Variants in MCOLN2 observed in about 807,000 individuals in gnomAD.
The protein encoded by MCOLN2 is mucolipin TRP cation channel 2, also known as mucolipin-2.
In MCOLN2, 57 loss-of-function variants were observed where a neutral mutation model predicts 67.5. The observed-to-expected ratio is 0.84, with a 90% CI of 0.68 to 1.05. The LOEUF is 1.05. MCOLN2 is among the 50% of genes least tolerant of loss of function. The probability of loss-of-function intolerance (pLI) is 0.00; values close to 1 mark genes in which losing one functional copy is unlikely to be tolerated. For missense variants in MCOLN2, 620 were observed against 678.8 expected (o/e 0.91, Z 0.96); for synonymous variants, 246 against 233.3 (o/e 1.05, Z -0.50).
intron 1 of MCOLN2, among the ~76,000 whole-genome samples, chr1:84,984,685 T>G (rs1650417653): frequency 6.6e-6 from 1 of 152,166 alleles, no homozygotes; most frequent in Admixed American, 6.5e-5. Flanking sequence ...AGCAATATAT[T>G]AATACCAAAG....
At chr1:84,986,241 T>C (rs186341426) in intron 1 of MCOLN2, among the ~76,000 whole-genome samples, 349 of 152,186 alleles carry the variant, frequency 2.3e-3, no homozygotes, top group African/African-American at 8.1e-3. Flanking sequence ...GCAGGCCACA[T>C]GTAGAAGAAT....
intron 11 of MCOLN2, among the ~76,000 whole-genome samples, chr1:84,933,365 A>T (rs1160397358): frequency 6.6e-6 from 1 of 152,166 alleles, no homozygotes; most frequent in Non-Finnish European, 1.5e-5. Context: ...GAGAAGGTCT[A>T]CAAACGCACC....
chr1:84,939,472 C>T (rs1393061905), intron 9 of MCOLN2, 81 bp downstream of exon 9: 3 of 1,405,904 alleles, frequency 2.1e-6, no homozygotes. Context: ...AAAGTGGTCT[C>T]CAAAGGATGG....
chr1:84,964,436 G>A (rs1311554921), intron 2 of MCOLN2, among the ~76,000 whole-genome samples: 1 of 143,898 alleles, frequency 6.9e-6, no homozygotes, highest in Non-Finnish European at 1.5e-5. Flanking sequence ...TTCAAATATG[G>A]TTAACTACAG....
At chr1:84,952,670 G>A in intron 4 of MCOLN2, 140 bp from the exon 5 acceptor site, 1 of 623,660 alleles carries the variant, frequency 1.6e-6, no homozygotes, top group South Asian at 1.9e-5. Flanking sequence ...AATTATTCAG[G>A]AAAAATGATA....
intron 11 of MCOLN2, among the ~76,000 whole-genome samples, chr1:84,932,029 A>C (rs1647212124): frequency 6.7e-6 from 1 of 148,530 alleles, no homozygotes; most frequent in African/African-American, 2.5e-5. Flanking sequence ...GTCTCTTTAA[A>C]ACACACACAC....
intron 12 of MCOLN2, among the ~76,000 whole-genome samples, chr1:84,930,623 T>TA (rs1213382319): frequency 6.6e-6 from 1 of 152,134 alleles, no homozygotes; most frequent in Non-Finnish European, 1.5e-5. Context: ...CCTGAACACT[T>TA]ACTTATCTTC....
rs1332907098 is a variant in MCOLN2 at position 84,997,028 on chromosome 1, T to C, written c.-156A>G. The stretch of plus-strand genomic sequence containing the variant: ...CTTACCCTTTCTGCCGGCCGCGTGG[T>C]GCGCGCAGACCCCGGCCCGAGAGCA... On this transcript the variant is annotated 5_prime_UTR_variant, in exon 1 of 14. Transcript: ENST00000370608. The C allele has an allele frequency of 3.0e-6, 2 of 660,640 alleles. No individual in the cohort carries two copies. Among genetic ancestry groups the C allele is most frequent in the African/African-American group, 1.8e-5 (1 of 54,680 alleles). The allele number at this position is 660,640 out of a possible 1,614,324, so 40.9% of individuals were successfully genotyped here. A position where few individuals can be genotyped will look rare whatever the true frequency, so the allele number is the denominator to read the frequency against.
intron 2 of MCOLN2, among the ~76,000 whole-genome samples, chr1:84,959,821 T>C (rs1648984780): frequency 6.6e-6 from 1 of 152,238 alleles, no homozygotes; most frequent in African/African-American, 2.4e-5. Flanking sequence ...CTGACAGTTC[T>C]GTTATTTGTT....
chr1:84,963,428 G>T (rs531276455), intron 2 of MCOLN2, among the ~76,000 whole-genome samples: 1 of 152,286 alleles, frequency 6.6e-6, no homozygotes, highest in Admixed American at 6.5e-5. Context: ...AACATAAATA[G>T]ATGCAGTTTT....
chr1:84,982,704 ATGTT>A (rs1453104491), intron 1 of MCOLN2, among the ~76,000 whole-genome samples: 1 of 152,090 alleles, frequency 6.6e-6, no homozygotes. Flanking sequence ...AAAGAAATTT[ATGTT>A]TGTTCCCCTG....
intron 1 of MCOLN2, among the ~76,000 whole-genome samples, chr1:84,985,866 C>T (rs969536264): frequency 6.6e-6 from 1 of 152,102 alleles, no homozygotes; most frequent in African/African-American, 2.4e-5. Context: ...GACCATACTG[C>T]CAAAAGCAAT....
At chr1:84,980,866 A>C (rs1650220190) in intron 1 of MCOLN2, among the ~76,000 whole-genome samples, 1 of 152,234 alleles carries the variant, frequency 6.6e-6, no homozygotes, top group Non-Finnish European at 1.5e-5. Context: ...CAAAGTGAAA[A>C]GACAACCCAT....
Position 84,958,653 on chromosome 1 carries a change from T to C in MCOLN2, c.287A>G (p.Asp96Gly), listed in dbSNP as rs757643779. The change falls in exon 3 of 14, where the codon GAT becomes GGT. Residue 96 changes from aspartate (D) to glycine (G), a missense_variant. Asp to Gly is a moderately conservative substitution (Grantham distance 94, BLOSUM62 -1). Transcript: ENST00000370608. Reference sequence around the variant, plus strand: ...CAAGTGCTTAAAAGCAACAGTGTTATCTTCTTTGAAAGCAACCACCAGCTG... The same window carrying C: ...CAAGTGCTTAAAAGCAACAGTGTTACCTTCTTTGAAAGCAACCACCAGCTG... ...SNQLVVAFKE[D>G]NTVAFKHLFL... The C allele has an allele frequency of 1.7e-5, 28 of 1,601,278 alleles. No individual in the cohort carries two copies. The South Asian group carries it at 3.0e-4, about 17-fold the overall frequency.
intron 8 of MCOLN2, 58 bp from the exon 9 acceptor site, chr1:84,939,760 A>G (rs1205913877): frequency 1.3e-6 from 2 of 1,582,932 alleles, no homozygotes; most frequent in Non-Finnish European, 8.6e-7. Context: ...CTGGAAGAAG[A>G]AGGCAAGTGC....
chr1:84,945,688 G>A (rs892943700), intron 7 of MCOLN2, among the ~76,000 whole-genome samples: 6 of 152,056 alleles, frequency 3.9e-5, no homozygotes, highest in African/African-American at 7.2e-5. Flanking sequence ...TCTTTACTGA[G>A]CAAACAGAAC....
intron 7 of MCOLN2, among the ~76,000 whole-genome samples, chr1:84,943,098 A>G (rs890830418): frequency 4.6e-5 from 7 of 152,194 alleles, no homozygotes; most frequent in Admixed American, 3.9e-4. Flanking sequence ...TATACTTTCA[A>G]ATTAATGAAG....
intron 4 of MCOLN2, among the ~76,000 whole-genome samples, chr1:84,955,979 G>A (rs1466337306): frequency 6.6e-6 from 1 of 152,156 alleles, no homozygotes; most frequent in African/African-American, 2.4e-5. Flanking sequence ...CCATTAACTT[G>A]TTGCCAAGGG....
intron 1 of MCOLN2, among the ~76,000 whole-genome samples, chr1:84,969,298 C>A (rs931906883): frequency 6.6e-6 from 1 of 152,172 alleles, no homozygotes. Flanking sequence ...TGGCTGGGCA[C>A]GGTGGCTCAC....
Sources: gnomAD v4.1 joint callset for allele counts (sites outside exome capture counted in the v4.1 genomes callset) on GRCh38, gnomAD v4.1.1 for gene constraint, MANE v1.5 for transcripts, NCBI Gene and HGNC (gene_info 2026-07-23, HGNC 2026-07-21) for gene names.